The following FYB2 variants were observed in gnomAD, a reference collection of about 807,000 sequenced individuals.
FYB2 encodes the protein FYN binding protein 2.
In FYB2, 103 loss-of-function variants were observed where a neutral mutation model predicts 94.1. That is an observed-to-expected ratio of 1.09 (90% CI 0.93 to 1.29). The LOEUF is 1.29. Ranked by LOEUF, FYB2 falls within the 50% of genes most tolerant of loss-of-function variation. The pLI is 0.00. For missense variants in FYB2, 896 were observed against 841.5 expected (o/e 1.06, Z -0.80); for synonymous variants, 293 against 287.9 (o/e 1.02, Z -0.18).
rs542314210 is a variant in FYB2, at chr1:56,806,899, G to C, written c.9+12383C>G. 4.6e-5 allele frequency among the ~76,000 whole-genome samples: 7 copies of C among 152,248 alleles called. No individual in the cohort carries two copies. The East Asian group carries it at 9.7e-4, about 21-fold the overall frequency. On this transcript the variant is annotated intron_variant, in intron 1 of 19. Coordinates refer to ENST00000343433, the MANE Select transcript of FYB2 (RefSeq NM_001004303.5). The stretch of plus-strand genomic sequence containing the variant: ...TTCAAAATATAGCTTTCAGCAAAAG[G>C]CTCAAGTTTAACTTAGTTGGCAGCC...
intron 6 of FYB2, among the ~76,000 whole-genome samples, chr1:56,757,687 CTTCTTTCTTTCTTTCTTTCTTTCT>C: frequency 1.4e-5 from 1 of 71,938 alleles, no homozygotes; most frequent in Non-Finnish European, 2.6e-5. Context: ...TCCTTCCTTC[CTTCTTTCTTTCTTTCTTTCTTTCT>C]TTCTTTCTTT....
chr1:56,820,347 G>A (rs887402956), upstream of FYB2, among the ~76,000 whole-genome samples: 1 of 152,176 alleles, frequency 6.6e-6, no homozygotes, highest in Non-Finnish European at 1.5e-5. Context: ...ACTCTAAAGT[G>A]ATTTTATTTT....
intron 4 of FYB2, among the ~76,000 whole-genome samples, chr1:56,782,809 A>G (rs1646038647): frequency 6.6e-6 from 1 of 152,144 alleles, no homozygotes; most frequent in Non-Finnish European, 1.5e-5. Context: ...CTCCCAAAAT[A>G]AACAGCACCT....
chr1:56,798,569 A>G (rs1359084492), intron 1 of FYB2, among the ~76,000 whole-genome samples: 1 of 152,132 alleles, frequency 6.6e-6, no homozygotes, highest in South Asian at 2.1e-4. Flanking sequence ...AGATGAATGT[A>G]TTTCATCACT....
At chr1:56,787,477 G>C (rs972430718) in intron 3 of FYB2, among the ~76,000 whole-genome samples, 2 of 152,176 alleles carry the variant, frequency 1.3e-5, no homozygotes, top group African/African-American at 4.8e-5. Flanking sequence ...AACCCCTGTG[G>C]GGTTTATCTC....
intron 5 of FYB2, among the ~76,000 whole-genome samples, chr1:56,760,686 G>C (rs565231188): frequency 6.6e-6 from 1 of 152,192 alleles, no homozygotes; most frequent in East Asian, 1.9e-4. Flanking sequence ...CCTTGAGATG[G>C]ATATTATTAC....
intron 1 of FYB2, among the ~76,000 whole-genome samples, chr1:56,814,374 A>T (rs1034130995): frequency 3.3e-5 from 5 of 152,206 alleles, no homozygotes; most frequent in Non-Finnish European, 7.3e-5. Context: ...ATTTCTCCCC[A>T]GGGGAAATGT....
At chr1:56,798,262 C>T (rs1430529230) in intron 1 of FYB2, among the ~76,000 whole-genome samples, 1 of 152,184 alleles carries the variant, frequency 6.6e-6, no homozygotes, top group Non-Finnish European at 1.5e-5. Flanking sequence ...CAAAAGACAG[C>T]CCTAAAAATA....
Position 56,740,780 on chromosome 1 carries a change from T to G in FYB2, c.1620A>C (p.Glu540Asp). The change falls in exon 13 of 20, where the codon GAA (glutamate) becomes GAC (aspartate). Residue 540 changes from glutamate (E) to aspartate (D), a missense_variant. Coordinates refer to ENST00000343433, the MANE Select transcript of FYB2 (RefSeq NM_001004303.5). ...NYPKIDLDGK[E>D]ALKRLQQFFK... Reference sequence around the variant, plus strand: ...AGAATTGCTGCAGTCTTTTGAGTGCTTCTTTTCCATCTAAACTGAGAGGAA... The same window carrying G: ...AGAATTGCTGCAGTCTTTTGAGTGCGTCTTTTCCATCTAAACTGAGAGGAA... 1 of 1,603,232 alleles carries G rather than the reference T, an allele frequency of 6.2e-7. No homozygotes were observed. Among genetic ancestry groups the G allele is most frequent in the South Asian group, 1.1e-5 (1 of 90,056 alleles).
chr1:56,803,449 C>T (rs1420372822), intron 1 of FYB2, among the ~76,000 whole-genome samples: 1 of 152,186 alleles, frequency 6.6e-6, no homozygotes, highest in Non-Finnish European at 1.5e-5. Flanking sequence ...AATTATTCAG[C>T]TCCAGGCATA....
chr1:56,740,662 C>T (rs753887809), intron 13 of FYB2, 35 bp downstream of exon 13: 3 of 1,274,634 alleles, frequency 2.4e-6, no homozygotes, highest in Admixed American at 3.8e-5. Flanking sequence ...CCAGGTTAAT[C>T]CCCTCGTGGA....
chr1:56,802,573 G>A (rs1646546822), intron 1 of FYB2, among the ~76,000 whole-genome samples: 2 of 152,186 alleles, frequency 1.3e-5, no homozygotes, highest in African/African-American at 4.8e-5. Context: ...CCGTTCCATT[G>A]TATTTTCAGA....
chr1:56,761,221 A>G (rs1266004215), intron 5 of FYB2, among the ~76,000 whole-genome samples: 2 of 152,206 alleles, frequency 1.3e-5, no homozygotes, highest in African/African-American at 4.8e-5. Context: ...TAACATAATA[A>G]AAATAATAAT....
intron 1 of FYB2, among the ~76,000 whole-genome samples, chr1:56,802,241 G>A (rs986507050): frequency 1.3e-5 from 2 of 152,130 alleles, no homozygotes; most frequent in African/African-American, 4.8e-5. Flanking sequence ...TTACTGGTCT[G>A]CCTCTCCCAC....
At chr1:56,779,037 A>T (rs886144472) in intron 4 of FYB2, among the ~76,000 whole-genome samples, 6 of 152,024 alleles carry the variant, frequency 3.9e-5, no homozygotes, top group African/African-American at 1.4e-4. Flanking sequence ...TTGGTCAGGG[A>T]AGTTTGTTGT....
At chr1:56,749,598 T>A (rs961144289) in intron 9 of FYB2, among the ~76,000 whole-genome samples, 1 of 152,032 alleles carries the variant, frequency 6.6e-6, no homozygotes, top group African/African-American at 2.4e-5. Flanking sequence ...AAAAACATAT[T>A]AAACATCTTA....
At chr1:56,735,802 CG>C (rs745993428) in intron 15 of FYB2, among the ~76,000 whole-genome samples, 1 of 152,070 alleles carries the variant, frequency 6.6e-6, no homozygotes, top group Non-Finnish European at 1.5e-5. Flanking sequence ...ACCAGCCACG[CG>C]GAACTGCGAG....
At chr1:56,821,370 TTAGGGGTGGG>T (rs72415164), upstream of FYB2, among the ~76,000 whole-genome samples, 18,029 of 152,196 alleles carry the variant, frequency 0.12, 1,404 homozygotes, top group Non-Finnish European at 0.17. Context: ...TTGGTAGCTG[TTAGGGGTGGG>T]TACTGTTTTG....
chr1:56,734,039 TG>T (rs1644773105), intron 15 of FYB2, among the ~76,000 whole-genome samples: 2 of 152,154 alleles, frequency 1.3e-5, no homozygotes, highest in African/African-American at 4.8e-5. Context: ...TATTATTGTG[TG>T]GGAGTCTAAG....
Sources: gnomAD v4.1 joint callset for allele counts (sites outside exome capture counted in the v4.1 genomes callset) on GRCh38, gnomAD v4.1.1 for gene constraint, MANE v1.5 for transcripts, NCBI Gene and HGNC (gene_info 2026-07-23, HGNC 2026-07-21) for gene names.